The following NEK11 variants were observed in gnomAD, a reference collection of about 807,000 sequenced individuals.
The protein encoded by NEK11 is serine/threonine-protein kinase Nek11.
A neutral mutation model predicts 80.7 loss-of-function variants in NEK11; 72 were observed. The observed-to-expected ratio is 0.89, with a 90% CI of 0.74 to 1.08. NEK11 has a LOEUF of 1.08. Ranked by LOEUF, NEK11 falls within the 50% of genes least tolerant of loss-of-function variation. NEK11 has a pLI of 0.00. For synonymous variants in NEK11, 251 were observed against 260.7 expected (o/e 0.96, Z 0.36); for missense variants, 764 against 763.6 (o/e 1.00, Z -0.01).
intron 5 of NEK11, among the ~76,000 whole-genome samples, chr3:131,113,575 T>G (rs2080477100): frequency 6.6e-6 from 1 of 152,094 alleles, no homozygotes; most frequent in African/African-American, 2.4e-5. Flanking sequence ...GTTTTAAGTT[T>G]TGAGTTTCTC....
intron 14 of NEK11, among the ~76,000 whole-genome samples, chr3:131,199,624 A>G (rs1181572815): frequency 6.6e-6 from 1 of 152,102 alleles, no homozygotes; most frequent in African/African-American, 2.4e-5. Context: ...ACCTCTTGGA[A>G]TATAACATTC....
At chr3:131,183,985 T>C (rs1168585180) in intron 14 of NEK11, among the ~76,000 whole-genome samples, 1 of 152,162 alleles carries the variant, frequency 6.6e-6, no homozygotes, top group African/African-American at 2.4e-5. Flanking sequence ...GGCCATCTTC[T>C]TACCTGTCCC....
chr3:131,057,755 T>G (rs1460485586), intron 3 of NEK11, among the ~76,000 whole-genome samples: 1 of 150,944 alleles, frequency 6.6e-6, no homozygotes. Context: ...TTCTTGTAAA[T>G]TTGTTTGAGT....
intron 16 of NEK11, among the ~76,000 whole-genome samples, chr3:131,270,638 A>T (rs557899101): frequency 6.6e-6 from 1 of 152,192 alleles, no homozygotes; most frequent in Non-Finnish European, 1.5e-5. Flanking sequence ...AATAAGAAAC[A>T]CTGAAAAAGG....
chr3:131,100,041 C>T (rs2149256676), intron 4 of NEK11, among the ~76,000 whole-genome samples: 1 of 152,224 alleles, frequency 6.6e-6, no homozygotes, highest in Non-Finnish European at 1.5e-5. Flanking sequence ...TGTTCCAGTT[C>T]TCAAAGAGAA....
chr3:131,300,626 T>C (rs1296713699), intron 17 of NEK11, among the ~76,000 whole-genome samples: 1 of 152,204 alleles, frequency 6.6e-6, no homozygotes, highest in Admixed American at 6.5e-5. Flanking sequence ...ACACCATTTA[T>C]TGAATAGGAA....
At chr3:131,065,121 T>G (rs1331657029) in intron 3 of NEK11, among the ~76,000 whole-genome samples, 1 of 152,176 alleles carries the variant, frequency 6.6e-6, no homozygotes, top group African/African-American at 2.4e-5. Flanking sequence ...TGGATAAAGA[T>G]TACATTAACA....
intron 3 of NEK11, among the ~76,000 whole-genome samples, chr3:131,076,079 C>T (rs2074301399): frequency 6.6e-6 from 1 of 152,168 alleles, no homozygotes; most frequent in African/African-American, 2.4e-5. Context: ...CTGACAGAAC[C>T]TAGGTCACAC....
chr3:131,094,910 C>T (rs151278336), intron 4 of NEK11, among the ~76,000 whole-genome samples: 70 of 152,274 alleles, frequency 4.6e-4, no homozygotes, highest in African/African-American at 1.7e-3. Context: ...TATTTTCTCT[C>T]TCCTGTGATG....
chr3:131,152,326 T>A, intron 7 of NEK11, 62 bp from the exon 8 acceptor site: 1 of 1,462,736 alleles, frequency 6.8e-7, no homozygotes, highest in Non-Finnish European at 9.3e-7. Context: ...AGGTTTTGTA[T>A]GATGAAAAAA....
At chr3:131,176,093 T>G (rs1347209018) in intron 14 of NEK11, among the ~76,000 whole-genome samples, 1 of 152,172 alleles carries the variant, frequency 6.6e-6, no homozygotes, top group Non-Finnish European at 1.5e-5. Flanking sequence ...CTCCTCTCTC[T>G]TCAGTCTTTA....
intron 14 of NEK11, among the ~76,000 whole-genome samples, chr3:131,201,621 A>G (rs1580069600): frequency 1.3e-5 from 2 of 152,308 alleles, no homozygotes; most frequent in East Asian, 3.9e-4. Flanking sequence ...GTTCACCACA[A>G]CATTGAAGTG....
intron 17 of NEK11, among the ~76,000 whole-genome samples, chr3:131,339,699 GTTTC>G (rs1395314450): frequency 1.3e-5 from 2 of 152,166 alleles, no homozygotes; most frequent in Non-Finnish European, 2.9e-5. Flanking sequence ...AGGAGTCCTT[GTTTC>G]TTACAGTAAA....
chr3:131,170,821 C>CAA lies in NEK11; in HGVS notation c.1333_1334insAA (p.Pro445GlnfsTer13), dbSNP rs2092637692. ...GAACCTGCCTGAGTCTCAGCCTATT[C>CAA]CTTCCATGGACCTCCACGAACTTGA... On this transcript the variant is annotated frameshift_variant, in exon 14 of 18. Coordinates refer to ENST00000383366, the MANE Select transcript of NEK11 (RefSeq NM_024800.5). LOFTEE classifies it high-confidence loss of function. The CAA allele has an allele frequency of 6.2e-7, 1 of 1,614,030 alleles. No individual in the cohort carries two copies. The highest frequency in any genetic ancestry group is 1.3e-5 in the African/African-American group (1 of 74,910).
intron 15 of NEK11, among the ~76,000 whole-genome samples, chr3:131,236,696 C>G (rs972006969): frequency 6.6e-6 from 1 of 152,168 alleles, no homozygotes; most frequent in Non-Finnish European, 1.5e-5. Context: ...CTCTGTGTTC[C>G]TATCACCGCA....
intron 17 of NEK11, among the ~76,000 whole-genome samples, chr3:131,314,310 T>C (rs1449862797): frequency 6.6e-6 from 1 of 152,234 alleles, no homozygotes; most frequent in Non-Finnish European, 1.5e-5. Context: ...TCATTTCTGA[T>C]GTTCCACACA....
At chr3:131,233,928 C>T (rs2095383057) in intron 15 of NEK11, among the ~76,000 whole-genome samples, 2 of 152,204 alleles carry the variant, frequency 1.3e-5, no homozygotes, top group African/African-American at 4.8e-5. Context: ...AATTAAGTTA[C>T]ATCTCCAAGA....
intron 11 of NEK11, among the ~76,000 whole-genome samples, chr3:131,162,979 G>C (rs1262664367): frequency 2.0e-5 from 3 of 152,196 alleles, no homozygotes; most frequent in African/African-American, 4.8e-5. Flanking sequence ...TGGAAACAGA[G>C]CTCTGTTCTG....
intron 15 of NEK11, among the ~76,000 whole-genome samples, chr3:131,232,979 GGGAAGGAAGGAAGGAA>G (rs55987547): frequency 0.018 from 2,333 of 132,718 alleles, 26 homozygotes; most frequent in South Asian, 0.051. Context: ...TATATTTGAG[GGGAAGGAAGGAAGGAA>G]GGAAGGAAGG....
Sources: allele counts gnomAD v4.1 joint callset (sites outside exome capture counted in the v4.1 genomes callset), GRCh38; gene constraint gnomAD v4.1.1; transcripts MANE v1.5; gene names NCBI Gene and HGNC (gene_info 2026-07-23, HGNC 2026-07-21).